SORCS1: variants seen among roughly 807,000 people sequenced by gnomAD.
SORCS1 encodes VPS10 domain-containing receptor SorCS1.
SORCS1 carries 60 observed loss-of-function variants against 146.1 expected under a neutral mutation model. The observed-to-expected ratio is 0.41, with a 90% CI of 0.33 to 0.51. The LOEUF is 0.51. Among genes scored for constraint, SORCS1 ranks in the 20% least tolerant of loss-of-function variants. The pLI is 0.21. For missense variants in SORCS1, 1,352 were observed against 1,487.6 expected (o/e 0.91, Z 1.50); for synonymous variants, 637 against 584.0 (o/e 1.09, Z -1.31).
chr10:106,631,597 T>G (rs757899105), intron 18 of SORCS1, among the ~76,000 whole-genome samples: 43 of 152,142 alleles, frequency 2.8e-4, no homozygotes, highest in Non-Finnish European at 4.4e-4. Flanking sequence ...GGGGAGGACA[T>G]GACGGAAGAG....
intron 19 of SORCS1, among the ~76,000 whole-genome samples, chr10:106,625,847 C>T (rs1284472160): frequency 1.3e-5 from 2 of 152,064 alleles, no homozygotes; most frequent in African/African-American, 4.8e-5. Context: ...GACAAGGCAG[C>T]TTTCTGAGCA....
chr10:106,727,620 A>T (rs1414014764), intron 6 of SORCS1, among the ~76,000 whole-genome samples: 6 of 152,220 alleles, frequency 3.9e-5, no homozygotes, highest in Non-Finnish European at 7.3e-5. Flanking sequence ...ACGTAAAAAG[A>T]AAGTATAATT....
In SORCS1 at chr10:106,849,898, GGGGGTCA is replaced by G. The variant is rs1394467131; in HGVS notation, c.627-20232_627-20226del. 1.5e-4 allele frequency among the ~76,000 whole-genome samples: 23 copies of G among 151,966 alleles called. No individual in the cohort carries two copies. In the East Asian group the frequency reaches 4.3e-3, roughly 28 times the overall value. On this transcript the variant is annotated intron_variant, in intron 2 of 25. Transcript: ENST00000263054. ...TGGGTGCCTCCCAGTTAGGCTGCTC[GGGGGTCA>G]GGGGTCAGGGACCCACTTGAGGAGG...
At chr10:107,023,198 G>A (rs1321927852) in intron 1 of SORCS1, among the ~76,000 whole-genome samples, 2 of 152,198 alleles carry the variant, frequency 1.3e-5, no homozygotes, top group African/African-American at 4.8e-5. Flanking sequence ...CACATGGTGT[G>A]CTATTGCAGA....
At chr10:107,034,628 C>T (rs1462835993) in intron 1 of SORCS1, among the ~76,000 whole-genome samples, 4 of 127,676 alleles carry the variant, frequency 3.1e-5, no homozygotes, top group Admixed American at 9.9e-5. Flanking sequence ...TGCAGTGAGC[C>T]GAGATCCCAC....
chr10:106,836,989 T>C (rs149230879), intron 2 of SORCS1, among the ~76,000 whole-genome samples: 176 of 152,320 alleles, frequency 1.2e-3, no homozygotes, highest in African/African-American at 3.7e-3. Context: ...AGTGCCTACA[T>C]GTATTAGTTG....
intron 2 of SORCS1, among the ~76,000 whole-genome samples, chr10:106,840,392 G>A (rs1354420867): frequency 1.3e-5 from 2 of 152,152 alleles, no homozygotes; most frequent in African/African-American, 2.4e-5. Flanking sequence ...TAGAAGTGGA[G>A]CTTGAAGATG....
At chr10:106,749,746 C>T (rs376833414) in intron 5 of SORCS1, among the ~76,000 whole-genome samples, 2 of 152,208 alleles carry the variant, frequency 1.3e-5, no homozygotes, top group Non-Finnish European at 2.9e-5. Context: ...CAACTCTTCC[C>T]TATTCCTCCT....
intron 17 of SORCS1, among the ~76,000 whole-genome samples, chr10:106,660,836 G>A (rs548882738): frequency 9.2e-5 from 14 of 151,976 alleles, no homozygotes; most frequent in African/African-American, 3.1e-4. Flanking sequence ...CTTCCATGAG[G>A]AATTAATGGC....
chr10:107,000,724 C>A (rs926439864), intron 1 of SORCS1, among the ~76,000 whole-genome samples: 3 of 151,400 alleles, frequency 2.0e-5, no homozygotes, highest in African/African-American at 7.3e-5. Context: ...GAAGATTGAA[C>A]AAATAAATAC....
chr10:106,687,883 G>A (rs1852979605), intron 10 of SORCS1, among the ~76,000 whole-genome samples: 1 of 152,184 alleles, frequency 6.6e-6, no homozygotes, highest in African/African-American at 2.4e-5. Context: ...GTTGTTCAGT[G>A]TGTATCCTCA....
chr10:106,781,806 A>C (rs180863183), intron 3 of SORCS1, among the ~76,000 whole-genome samples: 1 of 152,238 alleles, frequency 6.6e-6, no homozygotes, highest in African/African-American at 2.4e-5. Context: ...TTTGGAGGAC[A>C]GTGTTAGGGA....
chr10:107,071,480 A>G (rs1962422007), intron 1 of SORCS1, among the ~76,000 whole-genome samples: 1 of 152,208 alleles, frequency 6.6e-6, no homozygotes, highest in Admixed American at 6.5e-5. Flanking sequence ...ACCTGCCTGC[A>G]TTATGGTGAG....
intron 1 of SORCS1, among the ~76,000 whole-genome samples, chr10:107,083,814 A>G (rs1963537047): frequency 6.6e-6 from 1 of 152,166 alleles, no homozygotes; most frequent in African/African-American, 2.4e-5. Flanking sequence ...GGGATGACTC[A>G]CGCTAATCTA....
In SORCS1 at chr10:106,672,899, T is replaced by G; in HGVS notation, c.2027A>C (p.Glu676Ala). ...GTGCAGCTGCCAAGGTCTGTAGTCC[T>G]CTTCGGCACACCGTCTATCAAAAAT... is the stretch of plus-strand genomic sequence containing the variant. ...KSIFDRRCAE[E>A]DYRPWQLHSQ... The change falls in exon 15 of 26, where the codon GAG (glutamate) becomes GCG (alanine). Residue 676 changes from glutamate to alanine, a missense_variant. By Grantham distance (107) the Glu-to-Ala change is moderately radical (BLOSUM62 -1). Around this residue, in one of 3 missense-constraint regions of SORCS1, gnomAD observed 648 missense variants for 793.8 expected, o/e 0.82. Coordinates refer to ENST00000263054, the MANE Select transcript of SORCS1 (RefSeq NM_052918.5). 6.2e-7 allele frequency: 1 copy of G among 1,614,150 alleles called. No individual in the cohort carries two copies. Among genetic ancestry groups the G allele is most frequent in the Non-Finnish European group, 8.5e-7 (1 of 1,180,000 alleles).
chr10:106,921,339 G>T (rs1361351287), intron 2 of SORCS1, among the ~76,000 whole-genome samples: 2 of 152,104 alleles, frequency 1.3e-5, no homozygotes, highest in African/African-American at 4.8e-5. Context: ...CCTACAGAAT[G>T]CCTCTGCTTC....
At chr10:106,694,251 T>C (rs1460735756) in intron 9 of SORCS1, among the ~76,000 whole-genome samples, 2 of 152,128 alleles carry the variant, frequency 1.3e-5, no homozygotes, top group Non-Finnish European at 2.9e-5. Context: ...CCTGAAATAA[T>C]AGTACATTCT....
chr10:107,001,536 A>G (rs1957223631), intron 1 of SORCS1, among the ~76,000 whole-genome samples: 1 of 152,066 alleles, frequency 6.6e-6, no homozygotes, highest in South Asian at 2.1e-4. Flanking sequence ...GAAATAAACG[A>G]TTTAGCAACC....
Position 106,903,292 on chromosome 10 carries a change from C to T in SORCS1, c.626+53221G>A, listed in dbSNP as rs117326316. Among the ~76,000 whole-genome samples the T allele has an allele frequency of 7.3e-4, 111 of 152,152 alleles. No individual in the cohort carries two copies. The East Asian group carries it at 0.015, about 21-fold the overall frequency. On this transcript the variant is annotated intron_variant, in intron 2 of 25. Transcript: ENST00000263054. ...ACTCTTATGAAAGCATTTGTTTTTG[C>T]GGTTTCCATTAAAATGGCAGTTGAC...
Sources: allele counts gnomAD v4.1 joint callset (sites outside exome capture counted in the v4.1 genomes callset), GRCh38; gene constraint gnomAD v4.1.1; regional missense constraint gnomAD v4.1.1; transcripts MANE v1.5; gene names NCBI Gene and HGNC (gene_info 2026-07-23, HGNC 2026-07-21).